Variants in CNTN6 observed in about 807,000 individuals in gnomAD.
The protein encoded by CNTN6 is contactin 6, also known as contactin-6.
In CNTN6, 137 loss-of-function variants were observed where a neutral mutation model predicts 122.8. The observed-to-expected ratio is 1.12, with a 90% CI of 0.97 to 1.29. The LOEUF is 1.29. CNTN6 is among the 50% of genes most tolerant of loss of function. The pLI, the probability that CNTN6 is intolerant of heterozygous loss-of-function variation, is 0.00. For synonymous variants in CNTN6, 570 were observed against 426.0 expected (o/e 1.34, Z -4.16); for missense variants, 1,634 against 1,223.4 (o/e 1.34, Z -5.01).
At chr3:1,257,608 A>G (rs1285356963) in intron 4 of CNTN6, among the ~76,000 whole-genome samples, 1 of 152,224 alleles carries the variant, frequency 6.6e-6, no homozygotes, top group African/African-American at 2.4e-5. Context: ...GACAGAGCCC[A>G]TTTTCTACTT....
At chr3:1,341,790 G>T (rs1045595960) in intron 11 of CNTN6, among the ~76,000 whole-genome samples, 2 of 152,132 alleles carry the variant, frequency 1.3e-5, no homozygotes, top group African/African-American at 4.8e-5. Flanking sequence ...AAAGACTTAA[G>T]ATGGAATCAT....
intron 4 of CNTN6, among the ~76,000 whole-genome samples, chr3:1,274,381 A>G (rs1691931618): frequency 6.6e-6 from 1 of 152,208 alleles, no homozygotes; most frequent in South Asian, 2.1e-4. Flanking sequence ...TAGGCATGCC[A>G]GGTCCTAAAT....
chr3:1,336,172 TAAATAAAATA>T (rs375227259), intron 11 of CNTN6, among the ~76,000 whole-genome samples: 3,124 of 151,982 alleles, frequency 0.021, 55 homozygotes, highest in Middle Eastern at 0.034. Context: ...TAAAATCAAA[TAAATAAAATA>T]AAATAAAATA....
intron 1 of CNTN6, among the ~76,000 whole-genome samples, chr3:1,122,357 AAGG>A: frequency 6.9e-6 from 1 of 144,278 alleles, no homozygotes; most frequent in African/African-American, 2.8e-5. Flanking sequence ...GGAAGGAGGG[AAGG>A]AGGAAGGAAG....
At chr3:1,108,327 A>G (rs1436006827) in intron 1 of CNTN6, among the ~76,000 whole-genome samples, 1 of 152,100 alleles carries the variant, frequency 6.6e-6, no homozygotes, top group Non-Finnish European at 1.5e-5. Flanking sequence ...TTGGGACCCA[A>G]GTGTAAAAAC....
At chr3:1,098,085 G>A (rs1429511580) in intron 1 of CNTN6, among the ~76,000 whole-genome samples, 1 of 135,692 alleles carries the variant, frequency 7.4e-6, no homozygotes, top group African/African-American at 3.3e-5. Flanking sequence ...AAGAAAAAGG[G>A]TATATTTGCG....
chr3:1,222,900 C>G (rs889095093), intron 3 of CNTN6, among the ~76,000 whole-genome samples: 1 of 152,044 alleles, frequency 6.6e-6, no homozygotes, highest in Non-Finnish European at 1.5e-5. Context: ...TCCCCTTACT[C>G]ATAGACAAGA....
chr3:1,276,715 T>C (rs1429356847), intron 4 of CNTN6, among the ~76,000 whole-genome samples: 1 of 152,202 alleles, frequency 6.6e-6, no homozygotes, highest in Non-Finnish European at 1.5e-5. Context: ...AGTGCTCTCT[T>C]CTTATCTTTT....
At chr3:1,325,101 T>G (rs542174276) in intron 8 of CNTN6, among the ~76,000 whole-genome samples, 6 of 151,974 alleles carry the variant, frequency 3.9e-5, no homozygotes, top group South Asian at 4.1e-4. Context: ...CCCGCCTGTT[T>G]CCATGAATGA....
intron 4 of CNTN6, among the ~76,000 whole-genome samples, chr3:1,230,815 C>A (rs1346569052): frequency 4.6e-5 from 7 of 152,200 alleles, no homozygotes; most frequent in Non-Finnish European, 7.3e-5. Flanking sequence ...ACTGACCACA[C>A]AGTTCATGTG....
chr3:1,396,204 C>T (rs1422979006), intron 20 of CNTN6, among the ~76,000 whole-genome samples: 1 of 152,190 alleles, frequency 6.6e-6, no homozygotes, highest in Non-Finnish European at 1.5e-5. Context: ...GCCCTGACAT[C>T]TCAAACTTAC....
In CNTN6 at chr3:1,181,901, C is replaced by T. The variant is rs188783390; in HGVS notation, c.55+33838C>T. Among the ~76,000 whole-genome samples the T allele has an allele frequency of 6.4e-4, 97 of 152,120 alleles. No individual in the cohort carries two copies. The East Asian group carries it at 0.017, about 27-fold the overall frequency. On this transcript the variant is annotated intron_variant, in intron 2 of 22. Transcript: ENST00000446702. ...ATCTATGCCACACATTGTTTCTTTC[C>T]ATACACTCCATCATAAAATACCTCC...
chr3:1,251,955 C>T (rs1296819569), intron 4 of CNTN6, among the ~76,000 whole-genome samples: 2 of 152,106 alleles, frequency 1.3e-5, no homozygotes, highest in Non-Finnish European at 2.9e-5. Context: ...TAATCTGGCA[C>T]TCTGACTAAC....
At chr3:1,177,694 C>G (rs1179077070) in intron 2 of CNTN6, among the ~76,000 whole-genome samples, 3 of 152,006 alleles carry the variant, frequency 2.0e-5, no homozygotes, top group Non-Finnish European at 4.4e-5. Context: ...TCTTTCAGCA[C>G]TTTAAAGACA....
intron 4 of CNTN6, among the ~76,000 whole-genome samples, chr3:1,277,385 A>G (rs1181628650): frequency 1.7e-4 from 12 of 70,778 alleles, no homozygotes; most frequent in Non-Finnish European, 3.2e-4. Flanking sequence ...TTTGAGACCG[A>G]TTCTGGCTCT....
At chr3:1,123,328 A>G (rs1046377956) in intron 1 of CNTN6, among the ~76,000 whole-genome samples, 52 of 151,778 alleles carry the variant, frequency 3.4e-4, no homozygotes, top group African/African-American at 1.1e-3. Context: ...AATGTCAGCA[A>G]TATTTTCTAG....
chr3:1,403,260 A>T, intron 22 of CNTN6, 58 bp from the exon 23 acceptor site: 1 of 1,127,658 alleles, frequency 8.9e-7, no homozygotes, highest in Non-Finnish European at 1.3e-6. Flanking sequence ...TTGAAAAATT[A>T]ATCTAACAGG....
chr3:1,143,435 T>C (rs2092658035), intron 1 of CNTN6, among the ~76,000 whole-genome samples: 1 of 152,134 alleles, frequency 6.6e-6, no homozygotes, highest in Non-Finnish European at 1.5e-5. Context: ...GAAGTTTCTT[T>C]AAGTTAGATT....
At chr3:1,231,291 C>T (rs554610169) in intron 4 of CNTN6, among the ~76,000 whole-genome samples, 1 of 152,314 alleles carries the variant, frequency 6.6e-6, no homozygotes, top group African/African-American at 2.4e-5. Context: ...TAGATAAGAA[C>T]AAGCTATGCA....
Sources: allele counts gnomAD v4.1 joint callset (sites outside exome capture counted in the v4.1 genomes callset), GRCh38; gene constraint gnomAD v4.1.1; transcripts MANE v1.5; gene names NCBI Gene and HGNC (gene_info 2026-07-23, HGNC 2026-07-21).